The following PSMA1 variants were observed in gnomAD, a reference collection of about 807,000 sequenced individuals.
PSMA1 encodes proteasome 20S subunit alpha 1, also known as proteasome subunit alpha type-1.
In PSMA1, 3 loss-of-function variants were observed where a neutral mutation model predicts 38.4. The observed-to-expected ratio is 0.08, with a 90% CI of 0.04 to 0.20. PSMA1 has a LOEUF of 0.20. Ranked by LOEUF, PSMA1 falls within the 10% of genes least tolerant of loss-of-function variation. The pLI is 1.00. For synonymous variants in PSMA1, 101 were observed against 107.1 expected, an observed-to-expected ratio of 0.94 and a Z score of 0.35; for missense variants, 227 against 325.3, an observed-to-expected ratio of 0.70 and a Z score of 2.32.
chr11:14,512,213 A>G (rs1202101719), intron 7 of PSMA1, among the ~76,000 whole-genome samples: 1 of 152,102 alleles, frequency 6.6e-6, no homozygotes, highest in Admixed American at 6.5e-5. Context: ...CGTCTCTACT[A>G]AAAATACAAA....
intron 2 of PSMA1, among the ~76,000 whole-genome samples, chr11:14,566,406 A>G (rs1852071970): frequency 6.6e-6 from 1 of 152,300 alleles, no homozygotes; most frequent in South Asian, 2.1e-4. Context: ...ACAGTTGGAC[A>G]TGAGGTATTA....
At chr11:14,525,013 T>G (rs1851571351), upstream of PSMA1, among the ~76,000 whole-genome samples, 1 of 152,068 alleles carries the variant, frequency 6.6e-6, no homozygotes, top group African/African-American at 2.4e-5. Context: ...GGAGGGTAAG[T>G]CCGTCTCCTT....
intron 2 of PSMA1, among the ~76,000 whole-genome samples, chr11:14,554,676 C>A (rs1402594485): frequency 6.6e-6 from 1 of 152,108 alleles, no homozygotes. Flanking sequence ...GTCTATCTCT[C>A]CATCAATATC....
At chr11:14,604,204 C>T (rs1363855749) in intron 2 of PSMA1, among the ~76,000 whole-genome samples, 1 of 152,138 alleles carries the variant, frequency 6.6e-6, no homozygotes. Context: ...GGATTACAGG[C>T]ATATGCCACC....
At chr11:14,554,267 T>C (rs957472706) in intron 2 of PSMA1, among the ~76,000 whole-genome samples, 1 of 152,198 alleles carries the variant, frequency 6.6e-6, no homozygotes, top group African/African-American at 2.4e-5. Flanking sequence ...AGCCTGTGTC[T>C]GTCTTCATTC....
At chr11:14,593,244 C>T (rs143760751) in intron 2 of PSMA1, among the ~76,000 whole-genome samples, 1 of 152,278 alleles carries the variant, frequency 6.6e-6, no homozygotes, top group African/African-American at 2.4e-5. Context: ...ATTTTGATTC[C>T]AGGACTCATT....
At position 14,520,348 on chromosome 11, in the gene PSMA1, G is replaced by A; in HGVS notation, c.-49C>T. 6.2e-7 allele frequency: 1 copy of A among 1,614,196 alleles called. No individual in the cohort carries two copies. The highest frequency in any genetic ancestry group is 8.5e-7 in the Non-Finnish European group (1 of 1,180,020). On this transcript the variant is annotated 5_prime_UTR_variant, in exon 1 of 10. Transcript: ENST00000396394. ...GGCCTCCAGCAAAACTGAGAATCAA[G>A]GAGGTGCTGCCGAAAGTATCGCTCA... is the stretch of plus-strand genomic sequence containing the variant.
intron 1 of PSMA1, among the ~76,000 whole-genome samples, chr11:14,642,431 G>C (rs1002119260): frequency 6.6e-6 from 1 of 152,156 alleles, no homozygotes; most frequent in African/African-American, 2.4e-5. Flanking sequence ...GAAAAGCAAA[G>C]GAAAGGGAAT....
intron 2 of PSMA1, among the ~76,000 whole-genome samples, chr11:14,537,595 T>C (rs1851723795): frequency 6.6e-6 from 1 of 150,616 alleles, no homozygotes; most frequent in Admixed American, 6.6e-5. Context: ...TGGCCCATGC[T>C]AACATCATGC....
intron 2 of PSMA1, among the ~76,000 whole-genome samples, chr11:14,596,571 T>C (rs1852497095): frequency 1.3e-5 from 2 of 152,276 alleles, no homozygotes; most frequent in East Asian, 1.9e-4. Context: ...ATAGGAATGC[T>C]TGTGATGTTT....
intron 1 of PSMA1, among the ~76,000 whole-genome samples, chr11:14,639,765 G>A (rs1203701776): frequency 6.6e-6 from 1 of 152,058 alleles, no homozygotes; most frequent in African/African-American, 2.4e-5. Flanking sequence ...TGCTTCCTTT[G>A]CCCAGATTAT....
chr11:14,627,449 G>C (rs1852927186), intron 1 of PSMA1, among the ~76,000 whole-genome samples: 1 of 152,282 alleles, frequency 6.6e-6, no homozygotes, highest in South Asian at 2.1e-4. Flanking sequence ...CTGGGTAAAA[G>C]TTATCTGGAT....
intron 1 of PSMA1, among the ~76,000 whole-genome samples, chr11:14,618,583 C>A (rs1852803763): frequency 1.3e-5 from 2 of 152,196 alleles, no homozygotes; most frequent in Non-Finnish European, 2.9e-5. Flanking sequence ...CATTTATAAA[C>A]CAGGACACAA....
rs1403060503 is a variant in PSMA1 at position 14,510,958 on chromosome 11, G to A, written c.545-7C>T. On this transcript the variant is annotated splice_region_variant and splice_polypyrimidine_tract_variant and intron_variant, in intron 7 of 9. Transcript: ENST00000396394. ...ACTAGTTCATTTAAATTACCTATAT[G>A]TAATAAATTAACAATTATTTCTTAA... 2.0e-6 allele frequency: 3 copies of A among 1,518,552 alleles called. No individual in the cohort carries two copies. Among genetic ancestry groups the A allele is most frequent in the Non-Finnish European group, 2.7e-6 (3 of 1,111,500 alleles). The allele number at this position is 1,518,552 out of a possible 1,614,324, so 94.1% of individuals were successfully genotyped here. A position where few individuals can be genotyped will look rare whatever the true frequency, so the allele number is the denominator to read the frequency against.
chr11:14,619,521 AC>A (rs1484664206), intron 1 of PSMA1, among the ~76,000 whole-genome samples: 1 of 152,178 alleles, frequency 6.6e-6, no homozygotes, highest in African/African-American at 2.4e-5. Context: ...TCTGGCTTAA[AC>A]CTAGGGTGAC....
At chr11:14,562,728 G>A (rs551948260) in intron 2 of PSMA1, among the ~76,000 whole-genome samples, 86 of 151,448 alleles carry the variant, frequency 5.7e-4, no homozygotes, top group African/African-American at 2.0e-3. Context: ...GGGCTCAAGC[G>A]ATCCTCCCAT....
At chr11:14,515,537 G>C (rs529696330) in intron 4 of PSMA1, among the ~76,000 whole-genome samples, 5 of 152,032 alleles carry the variant, frequency 3.3e-5, no homozygotes, top group Middle Eastern at 3.4e-3. Context: ...CAAGGGACTG[G>C]CTGAGTAAAT....
intron 2 of PSMA1, among the ~76,000 whole-genome samples, chr11:14,539,287 G>A (rs912729483): frequency 2.0e-4 from 31 of 152,162 alleles, no homozygotes; most frequent in African/African-American, 6.0e-4. Flanking sequence ...TGAATCTCAT[G>A]TCTTAGTTCT....
intron 1 of PSMA1, among the ~76,000 whole-genome samples, chr11:14,639,134 C>T (rs1388336536): frequency 6.6e-6 from 1 of 152,098 alleles, no homozygotes; most frequent in East Asian, 1.9e-4. Context: ...GCTTTCACAG[C>T]CAAAGAATTC....
Sources: allele counts gnomAD v4.1 joint callset (sites outside exome capture counted in the v4.1 genomes callset), GRCh38; gene constraint gnomAD v4.1.1; transcripts MANE v1.5; gene names NCBI Gene and HGNC (gene_info 2026-07-23, HGNC 2026-07-21).